Variants in SNTG1 observed in about 807,000 individuals in gnomAD.
SNTG1 encodes the protein gamma-1-syntrophin.
SNTG1 carries 39 observed loss-of-function variants against 74.7 expected under a neutral mutation model. That is an observed-to-expected ratio of 0.52 (90% confidence interval 0.40 to 0.68). The LOEUF (loss-of-function observed/expected upper bound fraction) is 0.68, where lower values mean the gene tolerates loss of function less well. Among genes scored for constraint, SNTG1 ranks in the 30% least tolerant of loss-of-function variants. SNTG1 has a pLI of 0.00. For missense variants in SNTG1, 685 were observed against 609.5 expected (o/e 1.12, Z -1.30); for synonymous variants, 254 against 217.1 (o/e 1.17, Z -1.49).
chr8:50,735,218 A>G (rs529676182), intron 17 of SNTG1, among the ~76,000 whole-genome samples: 14 of 151,812 alleles, frequency 9.2e-5, no homozygotes, highest in Non-Finnish European at 5.9e-5. Context: ...CATTGGATCT[A>G]AAGACACAGG....
intron 11 of SNTG1, among the ~76,000 whole-genome samples, chr8:50,545,666 A>T (rs1486614884): frequency 1.3e-5 from 2 of 151,908 alleles, no homozygotes; most frequent in African/African-American, 2.4e-5. Context: ...ATGCTTTTTA[A>T]ACACTATGAA....
intron 2 of SNTG1, among the ~76,000 whole-genome samples, chr8:50,201,272 C>A (rs1450763543): frequency 6.6e-6 from 1 of 152,116 alleles, no homozygotes; most frequent in South Asian, 2.1e-4. Context: ...TGGCTGAAAT[C>A]TCTCTTTTTC....
At chr8:49,948,766 A>G (rs1809434997) in intron 1 of SNTG1, among the ~76,000 whole-genome samples, 1 of 152,162 alleles carries the variant, frequency 6.6e-6, no homozygotes, top group South Asian at 2.1e-4. Flanking sequence ...AGAAGGATGC[A>G]GTGTCTCTGC....
chr8:50,253,018 CA>C (rs1458091348), intron 2 of SNTG1, among the ~76,000 whole-genome samples: 1 of 152,090 alleles, frequency 6.6e-6, no homozygotes, highest in Non-Finnish European at 1.5e-5. Flanking sequence ...ATATAAAACC[CA>C]AAAGAAAACA....
At chr8:50,419,109 T>A (rs1410461072) in intron 4 of SNTG1, among the ~76,000 whole-genome samples, 1 of 152,170 alleles carries the variant, frequency 6.6e-6, no homozygotes, top group Non-Finnish European at 1.5e-5. Flanking sequence ...TGTTCTCTGA[T>A]GGATTTTTGG....
chr8:50,316,729 G>A (rs567282274), intron 2 of SNTG1, among the ~76,000 whole-genome samples: 41 of 152,218 alleles, frequency 2.7e-4, no homozygotes, highest in African/African-American at 9.1e-4. Flanking sequence ...GTTGATTGCA[G>A]AGAGATATGT....
At chr8:50,474,881 G>T (rs1390786793) in intron 8 of SNTG1, among the ~76,000 whole-genome samples, 5 of 151,994 alleles carry the variant, frequency 3.3e-5, no homozygotes, top group Non-Finnish European at 5.9e-5. Context: ...TATACACCAT[G>T]GAATACTATG....
At position 50,541,320 on chromosome 8, in the gene SNTG1, G is replaced by A. The variant is rs187810937; in HGVS notation, c.680+4512G>A. On this transcript the variant is annotated intron_variant, in intron 11 of 18. Transcript: ENST00000642720. ...AATTTTATCACATATGCATGTTCCT[G>A]CATCCACTAACGCAGTCAAGTTTTG... Among the ~76,000 whole-genome samples the A allele has an allele frequency of 1.8e-3, 274 of 151,214 alleles. 4 individuals carry two copies. Among genetic ancestry groups the A allele is most frequent in the African/African-American group, 6.3e-3 (259 of 41,030 alleles).
chr8:50,110,941 G>C (rs203623), intron 1 of SNTG1, among the ~76,000 whole-genome samples: 81,990 of 151,940 alleles, frequency 0.54, 24,511 homozygotes, highest in East Asian at 0.84. Flanking sequence ...ATCTAGGTAT[G>C]TCCTAAACAA....
intron 1 of SNTG1, among the ~76,000 whole-genome samples, chr8:49,985,578 T>C (rs1813081298): frequency 6.6e-6 from 1 of 152,188 alleles, no homozygotes; most frequent in South Asian, 2.1e-4. Context: ...TTTTTTATCA[T>C]TACAATATGA....
chr8:50,489,787 G>T (rs926292986), intron 8 of SNTG1, among the ~76,000 whole-genome samples: 1 of 152,150 alleles, frequency 6.6e-6, no homozygotes, highest in Non-Finnish European at 1.5e-5. Context: ...AACCCAATTT[G>T]TCAGTTTTGG....
chr8:50,737,401 A>G (rs748785452), intron 17 of SNTG1, among the ~76,000 whole-genome samples: 3 of 152,150 alleles, frequency 2.0e-5, no homozygotes, highest in Non-Finnish European at 4.4e-5. Context: ...AAGTTCTGAA[A>G]TTGAGGTAGT....
chr8:49,968,814 G>A (rs567807146), intron 1 of SNTG1, among the ~76,000 whole-genome samples: 1 of 152,250 alleles, frequency 6.6e-6, no homozygotes, highest in East Asian at 1.9e-4. Context: ...CTGTGTTCCA[G>A]AGTTCCAGAA....
chr8:50,794,950 G>A lies in SNTG1; in HGVS notation c.*2121G>A, dbSNP rs981472991. ...TTTTTAGTGTTATTATGAAAATTTAGCCTATGCTCATGTGTGTTACGAAGG... is the reference window on the plus strand; with the variant it reads ...TTTTTAGTGTTATTATGAAAATTTAACCTATGCTCATGTGTGTTACGAAGG... On this transcript the variant is annotated 3_prime_UTR_variant, in exon 19 of 19. Coordinates refer to ENST00000642720, the MANE Select transcript of SNTG1 (RefSeq NM_018967.5). 1 of 151,836 alleles carries A rather than the reference G, an allele frequency of 6.6e-6. No homozygotes were observed. Among genetic ancestry groups the A allele is most frequent in the Admixed American group, 6.6e-5 (1 of 15,196 alleles). The allele number at this position is 151,836 out of a possible 1,614,324, so 9.4% of individuals were successfully genotyped here. A position where few individuals can be genotyped will look rare whatever the true frequency, so the allele number is the denominator to read the frequency against.
intron 13 of SNTG1, among the ~76,000 whole-genome samples, chr8:50,600,663 T>A (rs2094766122): frequency 2.0e-5 from 3 of 152,168 alleles, no homozygotes; most frequent in Admixed American, 2.0e-4. Flanking sequence ...CTAATTTTAT[T>A]TATTTGGTTC....
At chr8:50,167,618 A>G (rs552067984) in intron 1 of SNTG1, among the ~76,000 whole-genome samples, 21 of 151,286 alleles carry the variant, frequency 1.4e-4, no homozygotes, top group Non-Finnish European at 2.5e-4. Context: ...GCAACAGAAC[A>G]AAACCTCATC....
At chr8:50,019,868 G>C (rs1816663898) in intron 1 of SNTG1, among the ~76,000 whole-genome samples, 1 of 152,048 alleles carries the variant, frequency 6.6e-6, no homozygotes, top group South Asian at 2.1e-4. Flanking sequence ...TATCATGCAT[G>C]TCAAGAGACA....
At chr8:50,322,861 A>ATTATCTATGTACAT (rs746707142) in intron 2 of SNTG1, among the ~76,000 whole-genome samples, 194 of 152,138 alleles carry the variant, frequency 1.3e-3, no homozygotes, top group Admixed American at 2.4e-3. Context: ...TCATGCCTGT[A>ATTATCTATGTACAT]ATCCCAGCAT....
intron 12 of SNTG1, among the ~76,000 whole-genome samples, chr8:50,572,984 C>T (rs2094557505): frequency 6.6e-6 from 1 of 152,094 alleles, no homozygotes; most frequent in African/African-American, 2.4e-5. Flanking sequence ...CATTGTCCAT[C>T]TGGAGAGCAC....
Sources: gnomAD v4.1 joint callset for allele counts (sites outside exome capture counted in the v4.1 genomes callset) on GRCh38, gnomAD v4.1.1 for gene constraint, MANE v1.5 for transcripts, NCBI Gene and HGNC (gene_info 2026-07-23, HGNC 2026-07-21) for gene names.